The following ABCC5 variants were observed in gnomAD, a reference collection of about 807,000 sequenced individuals.
ABCC5 encodes the protein ATP binding cassette subfamily C member 5, also known as ATP-binding cassette sub-family C member 5.
A neutral mutation model predicts 160.9 loss-of-function variants in ABCC5; 61 were observed. The ratio of observed to expected loss-of-function variants is 0.38; its 90% CI spans 0.31 to 0.47. The LOEUF (loss-of-function observed/expected upper bound fraction) is 0.47. Ranked by LOEUF, ABCC5 falls within the 20% of genes least tolerant of loss-of-function variation. The pLI is 0.99. For synonymous variants in ABCC5, 666 were observed against 700.6 expected (o/e 0.95, Z 0.78); for missense variants, 1,308 against 1,813.3 (o/e 0.72, Z 5.06).
chr3:183,987,571 A>G lies in ABCC5; in HGVS notation c.591+199T>C. 2 of 701,316 alleles carry G rather than the reference A, an allele frequency of 2.9e-6. No homozygotes were observed. Among genetic ancestry groups the G allele is most frequent in the South Asian group, 3.5e-5 (2 of 57,936 alleles). The allele number at this position is 701,316 out of a possible 1,614,324, so 43.4% of individuals were successfully genotyped here. A position where few individuals can be genotyped will look rare whatever the true frequency, so the allele number is the denominator to read the frequency against. ...CCCACCCAGAAATCAAGCCAGTTCC[A>G]TTTCTTCTCTGGCAACACTGCCCTT... is the stretch of plus-strand genomic sequence containing the variant. On this transcript the variant is annotated intron_variant, in intron 5 of 29. Coordinates refer to ENST00000334444, the MANE Select transcript of ABCC5 (RefSeq NM_005688.4). The surrounding 1 kb of genome is among the most constrained non-coding windows in gnomAD (Gnocchi z 4.2).
intron 25 of ABCC5, 56 bp downstream of exon 25, chr3:183,942,671 T>C (rs981482691): frequency 4.4e-6 from 7 of 1,577,614 alleles, no homozygotes; most frequent in Non-Finnish European, 6.1e-6. Flanking sequence ...GTGAAAGTGA[T>C]ATTTCATAAA....
At chr3:183,928,614 G>C in intron 27 of ABCC5, 133 bp downstream of exon 27, 1 of 726,992 alleles carries the variant, frequency 1.4e-6, no homozygotes, top group South Asian at 1.8e-5. Context: ...GAAAGACTTG[G>C]AGAGCCCTGC....
intron 17 of ABCC5, among the ~76,000 whole-genome samples, chr3:183,956,222 A>C (rs1577518626): frequency 6.1e-5 from 9 of 147,208 alleles, no homozygotes; most frequent in South Asian, 2.2e-4. Context: ...ATCCGTGTGT[A>C]AATCACATCG....
chr3:183,999,452 A>C (rs1207077500), intron 2 of ABCC5, among the ~76,000 whole-genome samples: 2 of 152,194 alleles, frequency 1.3e-5, no homozygotes, highest in African/African-American at 4.8e-5. Context: ...CAAGGTAGGG[A>C]ATCATGAGTC....
rs199597406 is a variant in ABCC5 at position 183,976,212 on chromosome 3, T to C, written c.1404+1305A>G. Among the ~76,000 whole-genome samples the C allele has an allele frequency of 1.7e-4, 26 of 152,064 alleles. No individual in the cohort carries two copies. In the East Asian group the frequency reaches 5.0e-3, roughly 29 times the overall value. ...TCTCTCTCTTCCCTCCCTCCCTTCC[T>C]TTTTCTTTCTTCTCTTTTTGTAAGA... On this transcript the variant is annotated intron_variant, in intron 10 of 29. Transcript: ENST00000334444.
At chr3:183,924,101 C>T (rs991430273) in intron 29 of ABCC5, among the ~76,000 whole-genome samples, 5 of 151,440 alleles carry the variant, frequency 3.3e-5, no homozygotes, top group Non-Finnish European at 7.4e-5. Flanking sequence ...CTGCAACCTC[C>T]GCTGCCTCCC....
At position 183,925,836 on chromosome 3, in the gene ABCC5, CTTTCTT is replaced by C; in HGVS notation, c.4048-123_4048-118del. 5.6e-6 allele frequency: 5 copies of C among 898,508 alleles called. No individual in the cohort carries two copies. In the East Asian group the frequency reaches 1.3e-4, roughly 23 times the overall value. 55.7% of individuals were successfully genotyped at this position (898,508 alleles called of 1,614,324 possible). A position where few individuals can be genotyped will look rare whatever the true frequency, so the allele number is the denominator to read the frequency against. On this transcript the variant is annotated intron_variant, in intron 28 of 29. Transcript: ENST00000334444. ...TTTACACTATCTATTGTTTTCTTTT[CTTTCTT>C]TTTTTTTTTTTTTTGAGACGGAGTC...
chr3:183,957,855 T>C (rs1413583640), intron 17 of ABCC5, among the ~76,000 whole-genome samples: 14 of 132,314 alleles, frequency 1.1e-4, no homozygotes, highest in African/African-American at 3.1e-4. Context: ...TCCGTGTGTA[T>C]ATCACATCTG....
In ABCC5 at chr3:184,017,758, A is replaced by C. The variant is rs993830589; in HGVS notation, c.-56+72T>G. 2 of 152,424 alleles carry C rather than the reference A, an allele frequency of 1.3e-5. No individual in the cohort carries two copies. Among genetic ancestry groups the C allele is most frequent in the Non-Finnish European group, 2.9e-5 (2 of 68,256 alleles). The allele number at this position is 152,424 out of a possible 1,614,324, so 9.4% of individuals were successfully genotyped here. On this transcript the variant is annotated intron_variant, in intron 1 of 29. Coordinates refer to ENST00000334444, the MANE Select transcript of ABCC5 (RefSeq NM_005688.4). This position sits in a 1 kb window ranked among gnomAD's most constrained non-coding sequence, Gnocchi z 4.5. ...CCTGGCCACATCCCGCCACGCCCCGAGGAAATGCAAAGGGGTGATCCCCGT... is the reference window on the plus strand; with the variant it reads ...CCTGGCCACATCCCGCCACGCCCCGCGGAAATGCAAAGGGGTGATCCCCGT...
intron 26 of ABCC5, among the ~76,000 whole-genome samples, chr3:183,931,612 G>T (rs909976650): frequency 7.9e-5 from 12 of 152,228 alleles, no homozygotes; most frequent in African/African-American, 2.4e-5. Flanking sequence ...GGGATTACAG[G>T]CGTGAGCCAC....
chr3:183,965,845 C>T (rs1717170699), intron 12 of ABCC5, among the ~76,000 whole-genome samples: 1 of 152,132 alleles, frequency 6.6e-6, no homozygotes, highest in African/African-American at 2.4e-5. Context: ...GGGTTTCCAG[C>T]TAATCCCTGC....
intron 2 of ABCC5, among the ~76,000 whole-genome samples, chr3:183,995,059 C>T (rs1004099819): frequency 2.0e-5 from 3 of 151,722 alleles, no homozygotes; most frequent in East Asian, 1.9e-4. Flanking sequence ...TTGCCCAGGC[C>T]GGTCTTGAAC....
At chr3:183,938,634 C>G (rs1713984130) in intron 25 of ABCC5, among the ~76,000 whole-genome samples, 1 of 152,114 alleles carries the variant, frequency 6.6e-6, no homozygotes, top group Non-Finnish European at 1.5e-5. Flanking sequence ...TGGAAAAATG[C>G]CTCCTGGTCA....
At chr3:183,981,990 G>T in intron 7 of ABCC5, 116 bp from the exon 8 acceptor site, 2 of 1,161,844 alleles carry the variant, frequency 1.7e-6, no homozygotes, top group Non-Finnish European at 2.4e-6. Context: ...GCTAGGATGG[G>T]CCAAATGTTA....
intron 28 of ABCC5, 22 bp downstream of exon 28, chr3:183,927,308 T>TGCC: frequency 2.5e-6 from 4 of 1,610,240 alleles, no homozygotes; most frequent in Non-Finnish European, 3.4e-6. Context: ...TCTCTGCTGC[T>TGCC]GCCAACCCCA....
chr3:184,010,829 A>C (rs1721672478), intron 2 of ABCC5, among the ~76,000 whole-genome samples: 1 of 128,266 alleles, frequency 7.8e-6, no homozygotes, highest in African/African-American at 3.1e-5. Context: ...ATGGAGTCTC[A>C]CTCTGTTGCC....
intron 28 of ABCC5, among the ~76,000 whole-genome samples, chr3:183,926,000 A>T (rs113040600): frequency 1.0e-4 from 15 of 150,306 alleles, no homozygotes; most frequent in African/African-American, 3.7e-4. Context: ...CACCACGCCC[A>T]GCTAATTTTT....
chr3:184,012,120 G>A (rs1329412075), intron 2 of ABCC5, among the ~76,000 whole-genome samples: 1 of 151,934 alleles, frequency 6.6e-6, no homozygotes, highest in Non-Finnish European at 1.5e-5. Flanking sequence ...ATCCTGTTGT[G>A]ATACTGGACT....
chr3:183,961,995 G>A (rs752070460), intron 15 of ABCC5, among the ~76,000 whole-genome samples: 8 of 152,040 alleles, frequency 5.3e-5, no homozygotes, highest in East Asian at 3.9e-4. Context: ...CAGGTAATCC[G>A]CCCATCTCGG....
Sources: allele counts gnomAD v4.1 joint callset (sites outside exome capture counted in the v4.1 genomes callset), GRCh38; gene constraint gnomAD v4.1.1; non-coding constraint Gnocchi (gnomAD v3.1); transcripts MANE v1.5; gene names NCBI Gene and HGNC (gene_info 2026-07-23, HGNC 2026-07-21).